Variants in SFRP5 observed in about 807,000 individuals in gnomAD.
SFRP5 encodes the protein secreted frizzled related protein 5.
In SFRP5, 22 loss-of-function variants were observed where a neutral mutation model predicts 27.0. That is an observed-to-expected ratio of 0.82 (90% CI 0.58 to 1.17). SFRP5 has a LOEUF of 1.17. SFRP5 is among the 50% of genes most tolerant of loss of function. The pLI, the probability that SFRP5 is intolerant of heterozygous loss-of-function variation, is 0.00. For synonymous variants in SFRP5, 171 were observed against 195.0 expected, an observed-to-expected ratio of 0.88 and a Z score of 1.03; for missense variants, 406 against 436.6, an observed-to-expected ratio of 0.93 and a Z score of 0.63.
Position 97,771,906 on chromosome 10 carries a change from G to A in SFRP5, c.-73C>T. On this transcript the variant is annotated 5_prime_UTR_variant, in exon 1 of 3. It adds an upstream start codon to the 5' untranslated region. Coordinates refer to ENST00000266066, the MANE Select transcript of SFRP5 (RefSeq NM_003015.3). The surrounding 1 kb of genome is among the most constrained non-coding windows in gnomAD (Gnocchi z 5.2). ...TGCCCGGCGGCCCAGGTGTTCCGGC[G>A]TGCGCCCCCGGCCCTGACTCTACCC... 1 of 978,452 alleles carries A rather than the reference G, an allele frequency of 1.0e-6. No homozygotes were observed. The highest frequency in any genetic ancestry group is 1.2e-6 in the Non-Finnish European group (1 of 820,730). 60.6% of individuals were successfully genotyped at this position (978,452 alleles called of 1,614,324 possible). A position where few individuals can be genotyped will look rare whatever the true frequency, so the allele number is the denominator to read the frequency against.
At position 97,767,537 on chromosome 10, in the gene SFRP5, A is replaced by G. The variant is rs1432160451; in HGVS notation, c.931T>C (p.Tyr311His). 22 of 1,611,038 alleles carry G rather than the reference A, an allele frequency of 1.4e-5. No homozygotes were observed. Among genetic ancestry groups the G allele is most frequent in the Non-Finnish European group, 1.9e-5 (22 of 1,178,686 alleles). Residue 311 changes from tyrosine (Y) to histidine (H), a missense_variant, in exon 3 of 3, where the codon TAC (tyrosine) becomes CAC (histidine). Coordinates refer to ENST00000266066, the MANE Select transcript of SFRP5 (RefSeq NM_003015.3). The part of the protein sequence containing the change: ...YPCSLYYPFF[Y>H]GAAEPH ...CTTCAGTGGGGCTCTGCCGCCCCGT[A>G]GAAGAAAGGGTAGTAGAGGGAGCAG...
chr10:97,771,279 C>T lies in SFRP5; in HGVS notation c.529+26G>A. ...GGGGAGCTGCAGGGCCGTCGGAGCG[C>T]GCGGGGACGGCGGCGGCGGCGCTAC... On this transcript the variant is annotated intron_variant, in intron 1 of 2. Transcript: ENST00000266066. The surrounding 1 kb of genome is among the most constrained non-coding windows in gnomAD (Gnocchi z 5.2). 6.7e-7 allele frequency: 1 copy of T among 1,493,470 alleles called. No individual in the cohort carries two copies. Among genetic ancestry groups the T allele is most frequent in the Non-Finnish European group, 9.0e-7 (1 of 1,114,896 alleles). The allele number at this position is 1,493,470 out of a possible 1,614,324, so 92.5% of individuals were successfully genotyped here. A position where few individuals can be genotyped will look rare whatever the true frequency, so the allele number is the denominator to read the frequency against.
Position 97,767,708 on chromosome 10 carries a change from G to A in SFRP5, c.760C>T (p.Pro254Ser), listed in dbSNP as rs2049493141. The change falls in exon 3 of 3, where the codon CCC (proline) becomes TCC (serine). Residue 254 changes from proline (P) to serine (S), a missense_variant. By Grantham distance (74) the Pro-to-Ser change is moderately conservative. Transcript: ENST00000266066. The stretch of plus-strand genomic sequence containing the variant: ...GCCAGGCTGTCCAGCTGTGGGCAGG[G>A]GCAGCCCGCGCCATTCTTCATGTGC... ...VLHMKNGAGC[P>S]CPQLDSLAGS... The A allele has an allele frequency of 1.9e-6, 3 of 1,613,818 alleles. No homozygotes were observed. The highest frequency in any genetic ancestry group is 1.3e-5 in the African/African-American group (1 of 74,920).
In SFRP5 at chr10:97,771,049, CA is replaced by C. The variant is rs2049512050; in HGVS notation, c.529+255del. ...GTTGGATGGGTACTGAGAGGGGTGC[CA>C]GGGGTTTCCAGGGAACGAGAGCCAG... On this transcript the variant is annotated intron_variant, in intron 1 of 2. Transcript: ENST00000266066. This position sits in a 1 kb window ranked among gnomAD's most constrained non-coding sequence, Gnocchi z 5.2. Among the ~76,000 whole-genome samples the C allele has an allele frequency of 6.6e-6, 1 of 152,064 alleles. No individual in the cohort carries two copies. Among genetic ancestry groups the C allele is most frequent in the Non-Finnish European group, 1.5e-5 (1 of 68,008 alleles).
rs1441157696 is a variant in SFRP5 at position 97,771,863 on chromosome 10, C to T, written c.-30G>A. ...GCGCCCTCTCCAGGTGCGCGCCGCG[C>T]AGCCCCCCGACGCTCGGTGCCCGGC... On this transcript the variant is annotated 5_prime_UTR_variant, in exon 1 of 3. Coordinates refer to ENST00000266066, the MANE Select transcript of SFRP5 (RefSeq NM_003015.3). This position sits in a 1 kb window ranked among gnomAD's most constrained non-coding sequence, Gnocchi z 5.2. 17 of 1,031,638 alleles carry T rather than the reference C, an allele frequency of 1.6e-5. No homozygotes were observed. The South Asian group carries it at 4.9e-4, about 29-fold the overall frequency. The allele number at this position is 1,031,638 out of a possible 1,614,324, so 63.9% of individuals were successfully genotyped here.
chr10:97,767,555 G>A lies in SFRP5; in HGVS notation c.913C>T (p.Leu305Phe). Residue 305 changes from leucine (L) to phenylalanine (F), a missense_variant, in exon 3 of 3, where the codon CTC becomes TTC. Coordinates refer to ENST00000266066, the MANE Select transcript of SFRP5 (RefSeq NM_003015.3). ...GCCCCGTAGAAGAAAGGGTAGTAGA[G>A]GGAGCAGGGGTAGGAGAACATGAAT... Reference protein sequence around the residue: ...VKFMFSYPCSLYYPFFYGAAE... With the variant: ...VKFMFSYPCSFYYPFFYGAAE... 6.2e-7 allele frequency: 1 copy of A among 1,613,168 alleles called. No individual in the cohort carries two copies. The highest frequency in any genetic ancestry group is 1.1e-5 in the South Asian group (1 of 91,054).
Position 97,767,616 on chromosome 10 carries a change from C to G in SFRP5, c.852G>C (p.Trp284Cys). The change falls in exon 3 of 3, where the codon TGG (tryptophan) becomes TGC (cysteine). Residue 284 changes from tryptophan to cysteine, a missense_variant. Transcript: ENST00000266066. The part of the protein sequence containing the change: ...GQLLLMAVYR[W>C]DKKNKEMKFA... ...ACTTCATCTCCTTATTCTTCTTGTC[C>G]CAGCGGTAGACGGCCATGAGCAGCA... 1 of 1,613,834 alleles carries G rather than the reference C, an allele frequency of 6.2e-7. No individual in the cohort carries two copies.
chr10:97,771,203 T>TGG lies in SFRP5; in HGVS notation c.529+100_529+101dup, dbSNP rs2049513243. ...CTAGGACAGCGTGTGTGTGTGTGTG[T>TGG]GGGCGGAGGGGGGGAGCTGCACCTC... is the stretch of plus-strand genomic sequence containing the variant. On this transcript the variant is annotated intron_variant, in intron 1 of 2. Coordinates refer to ENST00000266066, the MANE Select transcript of SFRP5 (RefSeq NM_003015.3). The surrounding 1 kb of genome is among the most constrained non-coding windows in gnomAD (Gnocchi z 5.2). 4 of 590,436 alleles carry TGG rather than the reference T, an allele frequency of 6.8e-6. No individual in the cohort carries two copies. The highest frequency in any genetic ancestry group is 6.3e-5 in the South Asian group (3 of 47,884). The allele number at this position is 590,436 out of a possible 1,614,324, so 36.6% of individuals were successfully genotyped here. A position where few individuals can be genotyped will look rare whatever the true frequency, so the allele number is the denominator to read the frequency against.
chr10:97,770,479 T>C (rs921059580), intron 1 of SFRP5, among the ~76,000 whole-genome samples: 1 of 150,298 alleles, frequency 6.7e-6, no homozygotes, highest in Admixed American at 6.6e-5. Flanking sequence ...GGAAGAGCTA[T>C]GTGGACCAGC....
intron 2 of SFRP5, among the ~76,000 whole-genome samples, chr10:97,769,264 A>C (rs2049502539): frequency 6.6e-6 from 1 of 152,114 alleles, no homozygotes; most frequent in Non-Finnish European, 1.5e-5. Context: ...AGGTGGAGGT[A>C]CCCATGGACA....
chr10:97,770,361 C>T (rs370693950), intron 1 of SFRP5, among the ~76,000 whole-genome samples: 1 of 152,206 alleles, frequency 6.6e-6, no homozygotes, highest in African/African-American at 2.4e-5. Flanking sequence ...TGAACCACTG[C>T]GCCCAGCCCT....
In SFRP5 at chr10:97,771,636, C is replaced by T. The variant is rs1485262745; in HGVS notation, c.198G>A (p.Val66=). 1 of 1,607,790 alleles carries T rather than the reference C, an allele frequency of 6.2e-7. No individual in the cohort carries two copies. The highest frequency in any genetic ancestry group is 1.1e-5 in the South Asian group (1 of 91,066). ...IPADLPLCHT[V]GYKRMRLPNL... is the part of the protein sequence containing the mutation. ...TGGGCAGCCGCATGCGCTTGTAGCC[C>T]ACCGTGTGGCAGAGCGGCAGGTCGG... The change falls in exon 1 of 3, where the codon GTG becomes GTA. Residue 66 remains valine (V), a synonymous_variant. Coordinates refer to ENST00000266066, the MANE Select transcript of SFRP5 (RefSeq NM_003015.3). This position sits in a 1 kb window ranked among gnomAD's most constrained non-coding sequence, Gnocchi z 5.2.
Position 97,767,754 on chromosome 10 carries a change from C to A in SFRP5, c.714G>T (p.Lys238Asn). Residue 238 changes from lysine to asparagine, a missense_variant, in exon 3 of 3, where the codon AAG (lysine) becomes AAT (asparagine). Coordinates refer to ENST00000266066, the MANE Select transcript of SFRP5 (RefSeq NM_003015.3). Reference protein sequence around the residue: ...KLLKPGPLKRKDTKRLVLHMK... With the variant: ...KLLKPGPLKRNDTKRLVLHMK... Reference sequence around the variant, plus strand: ...TGTGCAGCACCAGCCGCTTGGTGTCCTTGCGCTTCAGGGGGCCCGGCTTGA... The same window carrying A: ...TGTGCAGCACCAGCCGCTTGGTGTCATTGCGCTTCAGGGGGCCCGGCTTGA... The A allele has an allele frequency of 6.2e-7, 1 of 1,602,708 alleles. No homozygotes were observed. Among genetic ancestry groups the A allele is most frequent in the Non-Finnish European group, 8.5e-7 (1 of 1,174,118 alleles).
chr10:97,771,264 A>T lies in SFRP5; in HGVS notation c.529+41T>A. ...CGCAGAGCTGTGCTAGGGGAGCTGC[A>T]GGGCCGTCGGAGCGCGCGGGGACGG... On this transcript the variant is annotated intron_variant, in intron 1 of 2. Transcript: ENST00000266066. The surrounding 1 kb of genome is among the most constrained non-coding windows in gnomAD (Gnocchi z 5.2). 1 of 1,379,748 alleles carries T rather than the reference A, an allele frequency of 7.2e-7. No homozygotes were observed. The highest frequency in any genetic ancestry group is 9.8e-7 in the Non-Finnish European group (1 of 1,018,186). The allele number at this position is 1,379,748 out of a possible 1,614,324, so 85.5% of individuals were successfully genotyped here.
intron 1 of SFRP5, among the ~76,000 whole-genome samples, chr10:97,770,398 C>G (rs1035294316): frequency 6.6e-6 from 1 of 152,128 alleles, no homozygotes; most frequent in African/African-American, 2.4e-5. Context: ...AAAAGGGAAC[C>G]GAGGCCCAGA....
intron 1 of SFRP5, among the ~76,000 whole-genome samples, chr10:97,769,996 C>CCGCCA (rs1300543887): frequency 6.6e-6 from 1 of 152,244 alleles, no homozygotes; most frequent in African/African-American, 2.4e-5. Context: ...ACCCTGGCGG[C>CCGCCA]TGCAGCCATG....
At position 97,771,687 on chromosome 10, in the gene SFRP5, C is replaced by T; in HGVS notation, c.147G>A (p.Lys49=). 1 of 1,600,170 alleles carries T rather than the reference C, an allele frequency of 6.2e-7. No individual in the cohort carries two copies. The highest frequency in any genetic ancestry group is 8.5e-7 in the Non-Finnish European group (1 of 1,179,536). ...AEPLHGRSYS[K]PPQCLDIPAD... is the part of the protein sequence containing the mutation. Reference sequence around the variant, plus strand: ...CAGGGATGTCAAGGCACTGCGGCGGCTTGGAGTAGGAGCGGCCGTGCAGCG... The same window carrying T: ...CAGGGATGTCAAGGCACTGCGGCGGTTTGGAGTAGGAGCGGCCGTGCAGCG... Residue 49 remains lysine (K), a synonymous_variant, in exon 1 of 3, where the codon AAG becomes AAA. Transcript: ENST00000266066. This position sits in a 1 kb window ranked among gnomAD's most constrained non-coding sequence, Gnocchi z 5.2.
In SFRP5 at chr10:97,767,815, C is replaced by T. The variant is rs371998958; in HGVS notation, c.653G>A (p.Arg218Gln). ...IKEIKIENGD[R>Q]KLIGAQKKKK... The stretch of plus-strand genomic sequence containing the variant: ...CTTTTTCTGGGCTCCAATCAGCTTC[C>T]GGTCCCCATTCTCTATCTTGATCTC... Residue 218 changes from arginine (R) to glutamine (Q), a missense_variant, in exon 3 of 3, where the codon CGG (arginine) becomes CAG (glutamine). Transcript: ENST00000266066. The T allele has an allele frequency of 2.1e-5, 32 of 1,538,962 alleles. No homozygotes were observed. The highest frequency in any genetic ancestry group is 3.5e-4 in the Middle Eastern group (2 of 5,668).
Position 97,771,153 on chromosome 10 carries a change from A to C in SFRP5, c.529+152T>G. On this transcript the variant is annotated intron_variant, in intron 1 of 2. Coordinates refer to ENST00000266066, the MANE Select transcript of SFRP5 (RefSeq NM_003015.3). This position sits in a 1 kb window ranked among gnomAD's most constrained non-coding sequence, Gnocchi z 5.2. Reference sequence around the variant, plus strand: ...TGGGAAGGCGGGAAGGCTGCGGGGGATAATTCCGGGGACGCTGGGCTGAGC... The same window carrying C: ...TGGGAAGGCGGGAAGGCTGCGGGGGCTAATTCCGGGGACGCTGGGCTGAGC... The C allele has an allele frequency of 3.7e-6, 2 of 539,272 alleles. No homozygotes were observed. The highest frequency in any genetic ancestry group is 3.2e-6 in the Non-Finnish European group (1 of 311,320). The allele number at this position is 539,272 out of a possible 1,614,324, so 33.4% of individuals were successfully genotyped here.
Sources: allele counts gnomAD v4.1 joint callset (sites outside exome capture counted in the v4.1 genomes callset), GRCh38; gene constraint gnomAD v4.1.1; non-coding constraint Gnocchi (gnomAD v3.1); transcripts MANE v1.5; gene names NCBI Gene and HGNC (gene_info 2026-07-23, HGNC 2026-07-21).